Variants in KIAA1217 observed in about 807,000 individuals in gnomAD.
KIAA1217 encodes the protein sickle tail protein homolog.
In KIAA1217, 88 loss-of-function variants were observed where a neutral mutation model predicts 163.9. The observed-to-expected ratio is 0.54, with a 90% CI of 0.45 to 0.64. KIAA1217 has a LOEUF of 0.64. KIAA1217 is among the 30% of genes least tolerant of loss of function. The pLI, the probability that KIAA1217 is intolerant of heterozygous loss-of-function variation, is 0.00. For synonymous variants in KIAA1217, 903 were observed against 923.1 expected (o/e 0.98, Z 0.39); for missense variants, 2,372 against 2,475.0 (o/e 0.96, Z 0.88).
chr10:23,812,771 T>C (rs1837131710), intron 1 of KIAA1217, among the ~76,000 whole-genome samples: 1 of 152,184 alleles, frequency 6.6e-6, no homozygotes, highest in Non-Finnish European at 1.5e-5. Flanking sequence ...CTAGATAATT[T>C]TATAGATGGA....
At chr10:24,108,133 A>G (rs573784448) in intron 2 of KIAA1217, among the ~76,000 whole-genome samples, 1 of 152,298 alleles carries the variant, frequency 6.6e-6, no homozygotes, top group South Asian at 2.1e-4. Flanking sequence ...CATCCTAAGG[A>G]AGGCTATTTT....
chr10:24,497,574 A>T (rs888035930), intron 8 of KIAA1217, among the ~76,000 whole-genome samples: 2 of 151,930 alleles, frequency 1.3e-5, no homozygotes, highest in Admixed American at 1.3e-4. Context: ...CTCCACAAAA[A>T]ATGAGCGTGG....
At chr10:24,470,403 G>T (rs890920309) in intron 5 of KIAA1217, among the ~76,000 whole-genome samples, 2 of 152,186 alleles carry the variant, frequency 1.3e-5, no homozygotes, top group African/African-American at 4.8e-5. Flanking sequence ...GGTGTCCAAT[G>T]AGCAGGGAGG....
intron 1 of KIAA1217, among the ~76,000 whole-genome samples, chr10:24,002,703 T>C (rs1175111700): frequency 1.3e-5 from 2 of 152,176 alleles, no homozygotes; most frequent in African/African-American, 4.8e-5. Flanking sequence ...TTTGGTTCCA[T>C]GGATAAGTTT....
chr10:24,494,710 C>A, intron 7 of KIAA1217, 106 bp downstream of exon 7: 1 of 850,128 alleles, frequency 1.2e-6, no homozygotes, highest in Non-Finnish European at 1.8e-6. Flanking sequence ...CATTTCAAGG[C>A]TGAAAATATT....
At chr10:24,440,776 G>A (rs1487540621) in intron 5 of KIAA1217, among the ~76,000 whole-genome samples, 1 of 152,156 alleles carries the variant, frequency 6.6e-6, no homozygotes, top group Non-Finnish European at 1.5e-5. Context: ...CATCTAACCA[G>A]CAGAAAAGCT....
intron 2 of KIAA1217, among the ~76,000 whole-genome samples, chr10:24,130,600 T>A (rs1425006989): frequency 6.6e-6 from 1 of 152,164 alleles, no homozygotes; most frequent in Non-Finnish European, 1.5e-5. Context: ...GCATTCTTAA[T>A]TGAAAAAATG....
rs1212755894 is a variant in KIAA1217, at chr10:23,824,647, A to AT, written c.-321+129413_-321+129414insT. Among the ~76,000 whole-genome samples, 194 of 89,292 alleles carry AT rather than the reference A, an allele frequency of 2.2e-3. 1 individual carries two copies. Among genetic ancestry groups the AT allele is most frequent in the African/African-American group, 8.9e-3 (172 of 19,288 alleles). The allele number at this position is 89,292 out of a possible 152,430, so 58.6% of individuals were successfully genotyped here. A position where few individuals can be genotyped will look rare whatever the true frequency, so the allele number is the denominator to read the frequency against. ...CTGTCTCAAGAAAAAAAAAAAAAAA[A>AT]AAATAAAAAAAATATATATATATAT... On this transcript the variant is annotated intron_variant, in intron 1 of 18. Coordinates refer to the KIAA1217 transcript ENST00000376462.
chr10:23,696,865 A>G (rs1475487968), intron 1 of KIAA1217, among the ~76,000 whole-genome samples: 1 of 152,256 alleles, frequency 6.6e-6, no homozygotes, highest in Non-Finnish European at 1.5e-5. Flanking sequence ...ATCAGCAAGT[A>G]CTGTTAAATG....
intron 2 of KIAA1217, among the ~76,000 whole-genome samples, chr10:24,021,385 A>T (rs1847726062): frequency 6.6e-6 from 1 of 151,956 alleles, no homozygotes; most frequent in Non-Finnish European, 1.5e-5. Context: ...TTAGGTATAA[A>T]TCTAACTAAA....
At chr10:24,176,008 G>T (rs1050265489) in intron 2 of KIAA1217, among the ~76,000 whole-genome samples, 2 of 152,180 alleles carry the variant, frequency 1.3e-5, no homozygotes, top group African/African-American at 4.8e-5. Flanking sequence ...GACCCAAGCA[G>T]GTTGCTGCTG....
chr10:23,855,107 C>T (rs533639244), intron 1 of KIAA1217, among the ~76,000 whole-genome samples: 4 of 152,244 alleles, frequency 2.6e-5, no homozygotes, highest in South Asian at 2.1e-4. Context: ...TTCTTCCTAG[C>T]CTCGATGGTC....
At position 24,447,702 on chromosome 10, in the gene KIAA1217, C is replaced by T. The variant is rs960667806; in HGVS notation, c.846+9223C>T. ...TAATTAGTGCCTTATCTACTAAGAG[C>T]GATACAGTGATTTGTAAAGGTACGT... On this transcript the variant is annotated intron_variant, in intron 5 of 20. Coordinates refer to ENST00000376454, the MANE Select transcript of KIAA1217 (RefSeq NM_019590.5). 3.3e-5 allele frequency among the ~76,000 whole-genome samples: 5 copies of T among 152,262 alleles called. No individual in the cohort carries two copies. The East Asian group carries it at 5.8e-4, about 18-fold the overall frequency.
intron 2 of KIAA1217, among the ~76,000 whole-genome samples, chr10:24,097,899 C>T (rs145872435): frequency 6.6e-5 from 10 of 152,202 alleles, no homozygotes; most frequent in South Asian, 4.2e-4. Flanking sequence ...GGAACAGCCA[C>T]GGCACCAATG....
At chr10:23,709,505 A>G (rs1413655997) in intron 1 of KIAA1217, among the ~76,000 whole-genome samples, 1 of 151,808 alleles carries the variant, frequency 6.6e-6, no homozygotes, top group African/African-American at 2.4e-5. Context: ...CTTCAGCATG[A>G]GTGACAAAGC....
At chr10:24,264,761 GTCTTTC>G (rs1338695364) in intron 2 of KIAA1217, among the ~76,000 whole-genome samples, 39 of 104,608 alleles carry the variant, frequency 3.7e-4, no homozygotes, top group East Asian at 2.8e-4. Flanking sequence ...TGGTCGGTCG[GTCTTTC>G]TCTCTCTCTC....
chr10:24,239,506 T>G (rs2131266480), intron 2 of KIAA1217, among the ~76,000 whole-genome samples: 1 of 151,912 alleles, frequency 6.6e-6, no homozygotes, highest in South Asian at 2.1e-4. Context: ...TTTTTTTTTT[T>G]TTTTTATTGA....
rs767837829 is a variant in KIAA1217, at chr10:24,546,230, C to T, written c.5738C>T (p.Thr1913Ile). Residue 1913 changes from threonine to isoleucine, a missense_variant, in exon 21 of 21, where the codon ACC becomes ATC. By Grantham distance (89) the Thr-to-Ile change is moderately conservative. Transcript: ENST00000376454. ...TCACTGAATCAAGGTGCCAAGGGCA[C>T]CAGGACCATCCATACTCCCAGCCTC... ...SVSLNQGAKG[T>I]RTIHTPSLTS... 5.6e-6 allele frequency: 9 copies of T among 1,614,064 alleles called. No homozygotes were observed. The highest frequency in any genetic ancestry group is 6.8e-6 in the Non-Finnish European group (8 of 1,180,036).
At chr10:24,336,319 A>T (rs539150000) in intron 2 of KIAA1217, among the ~76,000 whole-genome samples, 6 of 152,256 alleles carry the variant, frequency 3.9e-5, no homozygotes, top group Non-Finnish European at 8.8e-5. Flanking sequence ...GAAAAAGAGC[A>T]CAAAGAACAC....
Sources: allele counts gnomAD v4.1 joint callset (sites outside exome capture counted in the v4.1 genomes callset), GRCh38; gene constraint gnomAD v4.1.1; transcripts MANE v1.5; gene names NCBI Gene and HGNC (gene_info 2026-07-23, HGNC 2026-07-21).